INTU: variants seen among roughly 807,000 people sequenced by gnomAD.
The protein encoded by INTU is protein inturned.
A neutral mutation model predicts 100.5 loss-of-function variants in INTU; 68 were observed. The ratio of observed to expected loss-of-function variants is 0.68; its 90% CI spans 0.56 to 0.83. INTU has a LOEUF of 0.83. INTU is among the 40% of genes least tolerant of loss of function. INTU has a pLI of 0.00. For missense variants in INTU, 1,071 were observed against 1,114.7 expected (o/e 0.96, Z 0.56); for synonymous variants, 357 against 395.7 (o/e 0.90, Z 1.16).
At chr4:127,676,571 G>C (rs1729195516) in intron 6 of INTU, among the ~76,000 whole-genome samples, 1 of 144,516 alleles carries the variant, frequency 6.9e-6, no homozygotes, top group Admixed American at 7.0e-5. Flanking sequence ...GGGTGACAGA[G>C]CAAGACAATG....
chr4:127,699,764 T>C (rs1279257495), intron 8 of INTU, among the ~76,000 whole-genome samples: 1 of 152,214 alleles, frequency 6.6e-6, no homozygotes, highest in Non-Finnish European at 1.5e-5. Context: ...AAATATGGTA[T>C]GTTAAATGAG....
chr4:127,638,149 A>G (rs1313066473), intron 1 of INTU, among the ~76,000 whole-genome samples: 1 of 152,230 alleles, frequency 6.6e-6, no homozygotes, highest in African/African-American at 2.4e-5. Flanking sequence ...ACAGAAAAGC[A>G]TAGGCAGGCA....
chr4:127,635,544 G>A (rs1213039953), intron 1 of INTU, among the ~76,000 whole-genome samples: 2 of 152,176 alleles, frequency 1.3e-5, no homozygotes, highest in African/African-American at 2.4e-5. Flanking sequence ...GAGAGAAACA[G>A]GAATCATTTT....
intron 2 of INTU, among the ~76,000 whole-genome samples, chr4:127,650,073 TTTTGATATGGTTG>T (rs1727771163): frequency 6.6e-6 from 1 of 152,164 alleles, no homozygotes; most frequent in Non-Finnish European, 1.5e-5. Flanking sequence ...ATGCAGTGTA[TTTTGATATGGTTG>T]GGGCCTTTGA....
At chr4:127,715,485 C>A (rs1731235752) in intron 15 of INTU, among the ~76,000 whole-genome samples, 2 of 152,160 alleles carry the variant, frequency 1.3e-5, no homozygotes, top group Admixed American at 1.3e-4. Context: ...CCTACTAAAT[C>A]AAAATCTGTG....
At position 127,636,571 on chromosome 4, in the gene INTU, C is replaced by T. The variant is rs547502688; in HGVS notation, c.146+3391C>T. On this transcript the variant is annotated intron_variant, in intron 1 of 15. Transcript: ENST00000335251. ...AGGTTGCAGTGAGCCGAGATCGCAC[C>T]ATTGCATTGCAGCCTGGGTGACAAA... is the stretch of plus-strand genomic sequence containing the variant. 6.8e-4 allele frequency among the ~76,000 whole-genome samples: 101 copies of T among 148,012 alleles called. 1 individual carries two copies. The highest frequency in any genetic ancestry group is 1.3e-3 in the Non-Finnish European group (87 of 67,626).
intron 12 of INTU, 21 bp from the exon 13 acceptor site, chr4:127,708,550 C>G (rs771268680): frequency 8.0e-7 from 1 of 1,249,552 alleles, no homozygotes; most frequent in Non-Finnish European, 1.2e-6. Context: ...ATAAACTGAT[C>G]TACTTAACTA....
chr4:127,656,436 T>C (rs1728227878), intron 2 of INTU, among the ~76,000 whole-genome samples, 200 bp from the exon 3 acceptor site: 1 of 152,214 alleles, frequency 6.6e-6, no homozygotes, highest in African/African-American at 2.4e-5. Context: ...TGGGCAGTAT[T>C]ATAGATTAAG....
intron 2 of INTU, among the ~76,000 whole-genome samples, chr4:127,652,836 G>A (rs1227478639): frequency 1.5e-5 from 2 of 133,628 alleles, no homozygotes; most frequent in South Asian, 5.2e-4. Context: ...ATTCGGCTGT[G>A]AATCCATCTG....
intron 1 of INTU, among the ~76,000 whole-genome samples, chr4:127,636,900 A>G (rs1727098193): frequency 6.6e-6 from 1 of 152,156 alleles, no homozygotes; most frequent in South Asian, 2.1e-4. Flanking sequence ...TTTTAATTTA[A>G]TACAGATTAA....
At chr4:127,663,794 A>G (rs1728581441) in intron 4 of INTU, among the ~76,000 whole-genome samples, 1 of 152,192 alleles carries the variant, frequency 6.6e-6, no homozygotes, top group Admixed American at 6.6e-5. Context: ...TTAAAATGAA[A>G]ACAAATTATT....
intron 14 of INTU, among the ~76,000 whole-genome samples, chr4:127,711,653 G>A (rs546621627): frequency 2.0e-5 from 3 of 152,250 alleles, no homozygotes; most frequent in South Asian, 2.1e-4. Flanking sequence ...CAGCACATAC[G>A]AGTGCAAACC....
intron 13 of INTU, 59 bp from the exon 14 acceptor site, chr4:127,710,854 A>C: frequency 9.4e-7 from 1 of 1,061,894 alleles, no homozygotes; most frequent in Non-Finnish European, 1.3e-6. Context: ...AAATGAACCA[A>C]TATTTTAAAA....
In INTU at chr4:127,669,076, A is replaced by T; in HGVS notation, c.1013A>T (p.Gln338Leu). Reference sequence around the variant, plus strand: ...CATTATCCAATGTCTGAAGCATCTCAGAAACTTAAAAGTGTGAGAGGGATT... The same window carrying T: ...CATTATCCAATGTCTGAAGCATCTCTGAAACTTAAAAGTGTGAGAGGGATT... ...LYHYPMSEAS[Q>L]KLKSVRGIFL... Residue 338 changes from glutamine to leucine, a missense_variant, in exon 5 of 16, where the codon CAG becomes CTG. Physicochemically the swap from Gln to Leu is moderately radical, Grantham distance 113 (BLOSUM62 -2). Coordinates refer to ENST00000335251, the MANE Select transcript of INTU (RefSeq NM_015693.4). 6.5e-7 allele frequency: 1 copy of T among 1,545,308 alleles called. No individual in the cohort carries two copies. Among genetic ancestry groups the T allele is most frequent in the Non-Finnish European group, 8.8e-7 (1 of 1,137,298 alleles).
chr4:127,704,846 G>T (rs1221439576), intron 10 of INTU, among the ~76,000 whole-genome samples: 4 of 152,112 alleles, frequency 2.6e-5, no homozygotes, highest in African/African-American at 9.6e-5. Flanking sequence ...CCATCACTTT[G>T]GGGGGCCGAG....
In INTU at chr4:127,633,014, G is replaced by A. The variant is rs751412484; in HGVS notation, c.-21G>A. 1 of 1,604,434 alleles carries A rather than the reference G, an allele frequency of 6.2e-7. No individual in the cohort carries two copies. The highest frequency in any genetic ancestry group is 1.3e-5 in the African/African-American group (1 of 74,756). On this transcript the variant is annotated 5_prime_UTR_variant, in exon 1 of 16. Transcript: ENST00000335251. ...CTGCGAGATTTGAATTACTCCACTC[G>A]TAGCTATTGCATTCCTGACGATGGC...
intron 1 of INTU, among the ~76,000 whole-genome samples, chr4:127,633,398 G>A (rs1434425347): frequency 2.0e-5 from 3 of 152,084 alleles, no homozygotes; most frequent in African/African-American, 7.2e-5. Flanking sequence ...TGTTTGTTTT[G>A]TTTTGTTTTT....
chr4:127,652,327 G>C (rs1727927770), intron 2 of INTU, among the ~76,000 whole-genome samples: 1 of 150,730 alleles, frequency 6.6e-6, no homozygotes. Flanking sequence ...TCCAGTTTTT[G>C]CCCATTCAGT....
rs1399070428 is a variant in INTU, at chr4:127,706,649, G to C, written c.1951G>C (p.Val651Leu). ...AGATGAACGGCTAGCATCTTCTCCA[G>C]TCCCCTGTTTGTCTTGTGCTGACTG... ...RIDERLASSP[V>L]PCLSCADWFL... The change falls in exon 12 of 16, where the codon GTC becomes CTC. Residue 651 changes from valine to leucine, a missense_variant. Coordinates refer to ENST00000335251, the MANE Select transcript of INTU (RefSeq NM_015693.4). 2 of 1,614,088 alleles carry C rather than the reference G, an allele frequency of 1.2e-6. No individual in the cohort carries two copies.
Sources: allele counts gnomAD v4.1 joint callset (sites outside exome capture counted in the v4.1 genomes callset), GRCh38; gene constraint gnomAD v4.1.1; transcripts MANE v1.5; gene names NCBI Gene and HGNC (gene_info 2026-07-23, HGNC 2026-07-21).